EIF4ENIF1: variants seen among roughly 807,000 people sequenced by gnomAD.
The protein encoded by EIF4ENIF1 is eukaryotic translation initiation factor 4E transporter.
Under a neutral mutation model 110.5 loss-of-function variants are expected in EIF4ENIF1, and 23 were observed. The observed-to-expected ratio is 0.21, with a 90% CI of 0.15 to 0.29. EIF4ENIF1 has a LOEUF of 0.29. Among genes scored for constraint, EIF4ENIF1 ranks in the 10% least tolerant of loss-of-function variants. EIF4ENIF1 has a pLI of 1.00. For missense variants in EIF4ENIF1, 1,031 were observed against 1,221.1 expected (o/e 0.84, Z 2.32); for synonymous variants, 440 against 437.0 (o/e 1.01, Z -0.09).
intron 2 of EIF4ENIF1, among the ~76,000 whole-genome samples, chr22:31,477,097 C>T (rs1387181056): frequency 6.6e-6 from 1 of 151,210 alleles, no homozygotes; most frequent in East Asian, 1.9e-4. Flanking sequence ...CGCTCTAGCC[C>T]GAGTGACAGA....
At chr22:31,487,465 A>C (rs187107284) in intron 2 of EIF4ENIF1, among the ~76,000 whole-genome samples, 11 of 152,332 alleles carry the variant, frequency 7.2e-5, no homozygotes, top group African/African-American at 1.9e-4. Flanking sequence ...TTAACCAATC[A>C]GTATCCCAGG....
chr22:31,446,689 A>G (rs2050490920), intron 14 of EIF4ENIF1, among the ~76,000 whole-genome samples: 1 of 152,170 alleles, frequency 6.6e-6, no homozygotes, highest in African/African-American at 2.4e-5. Context: ...CTGAGGAGGA[A>G]AAGGGGTATT....
intron 7 of EIF4ENIF1, 124 bp downstream of exon 7, chr22:31,458,351 A>T: frequency 1.3e-6 from 1 of 763,524 alleles, no homozygotes; most frequent in Non-Finnish European, 1.8e-6. Flanking sequence ...ACAAAAATTT[A>T]AATATGTAAG....
At chr22:31,452,904 G>A (rs563661675) in intron 10 of EIF4ENIF1, among the ~76,000 whole-genome samples, 15 of 152,284 alleles carry the variant, frequency 9.9e-5, no homozygotes, top group African/African-American at 3.6e-4. Context: ...TGGAACCTCT[G>A]TCTGTCCTAT....
intron 7 of EIF4ENIF1, among the ~76,000 whole-genome samples, chr22:31,456,949 A>G (rs1160930062): frequency 6.6e-6 from 1 of 152,244 alleles, no homozygotes; most frequent in Non-Finnish European, 1.5e-5. Flanking sequence ...TCCACTGACA[A>G]GCTGATGAGT....
chr22:31,473,594 C>T (rs1248782280), intron 2 of EIF4ENIF1, among the ~76,000 whole-genome samples: 3 of 152,060 alleles, frequency 2.0e-5, no homozygotes, highest in African/African-American at 7.2e-5. Flanking sequence ...TGTAAAAGAA[C>T]ATTATTCATT....
rs17833819 is a variant in EIF4ENIF1 at position 31,468,955 on chromosome 22, A to G, written c.171-653T>C. Among the ~76,000 whole-genome samples, 1,150 of 152,324 alleles carry G rather than the reference A, an allele frequency of 7.5e-3. 6 individuals carry two copies. The highest frequency in any genetic ancestry group is 0.024 in the Middle Eastern group (7 of 294). On this transcript the variant is annotated intron_variant, in intron 3 of 18. Coordinates refer to ENST00000330125, the MANE Select transcript of EIF4ENIF1 (RefSeq NM_019843.4). ...TATTAACTGTTGTTTACTGAAGACT[A>G]ATACAAAGGAGAAAAAAGAGTCCCT...
intron 4 of EIF4ENIF1, among the ~76,000 whole-genome samples, chr22:31,464,699 AATATATATATAT>A (rs1230573468): frequency 5.1e-5 from 2 of 39,112 alleles, no homozygotes; most frequent in African/African-American, 9.7e-5. Flanking sequence ...AAAAAAAAAA[AATATATATATAT>A]ATATATATAT....
In EIF4ENIF1 at chr22:31,450,269, A is replaced by G. The variant is rs761395207; in HGVS notation, c.1584+20T>C. 2 of 1,607,060 alleles carry G rather than the reference A, an allele frequency of 1.2e-6. No individual in the cohort carries two copies. The highest frequency in any genetic ancestry group is 8.5e-7 in the Non-Finnish European group (1 of 1,174,512). On this transcript the variant is annotated intron_variant, in intron 11 of 18. Coordinates refer to ENST00000330125, the MANE Select transcript of EIF4ENIF1 (RefSeq NM_019843.4). ...CTACTGTTCAAGACTCCAAGGCCTC[A>G]GTATAAGATTGTGAAGTACCTGCAG...
chr22:31,458,401 C>G, intron 7 of EIF4ENIF1, 74 bp downstream of exon 7: 2 of 1,305,620 alleles, frequency 1.5e-6, no homozygotes, highest in Non-Finnish European at 2.0e-6. Flanking sequence ...AGCAAAACAA[C>G]ACTTTCAAAC....
At chr22:31,443,477 A>G (rs570680209) in intron 15 of EIF4ENIF1, 49 of 164,024 alleles carry the variant, frequency 3.0e-4, no homozygotes, top group Non-Finnish European at 5.9e-4. Context: ...TATTTCCCTT[A>G]ACTTGGCTAC....
chr22:31,486,347 C>T (rs568977008), intron 2 of EIF4ENIF1, among the ~76,000 whole-genome samples: 1 of 152,104 alleles, frequency 6.6e-6, no homozygotes, highest in Non-Finnish European at 1.5e-5. Flanking sequence ...ACCTGTAGTC[C>T]CAGCTACTTG....
chr22:31,461,448 G>T (rs538198960), intron 6 of EIF4ENIF1, among the ~76,000 whole-genome samples: 180 of 152,052 alleles, frequency 1.2e-3, no homozygotes, highest in South Asian at 3.9e-3. Flanking sequence ...GGTTTTTTTG[G>T]TTTTTTTGGA....
intron 15 of EIF4ENIF1, among the ~76,000 whole-genome samples, chr22:31,443,714 G>A (rs908169534): frequency 2.8e-4 from 42 of 151,752 alleles, no homozygotes; most frequent in African/African-American, 1.0e-3. Context: ...AAAGACCCAC[G>A]TGGGGTTCTG....
Position 31,440,008 on chromosome 22 carries a change from G to C in EIF4ENIF1, c.2830C>G (p.Arg944Gly), listed in dbSNP as rs757609510. 2 of 1,613,954 alleles carry C rather than the reference G, an allele frequency of 1.2e-6. No individual in the cohort carries two copies. Among genetic ancestry groups the C allele is most frequent in the South Asian group, 1.1e-5 (1 of 91,040 alleles). Residue 944 changes from arginine (R) to glycine (G), a missense_variant, in exon 19 of 19, where the codon CGC becomes GGC. Around this residue, in one of 3 missense-constraint regions of EIF4ENIF1, gnomAD observed 309 missense variants for 299.1 expected, o/e 1.03. Transcript: ENST00000330125. ...GGGGAGCTGCTCCTCTGGCTGGGGC[G>C]ATGCTCCAGCTGGGAGTGCATGTGG... is the stretch of plus-strand genomic sequence containing the variant. ...LPHMHSQLEH[R>G]PSQRSSSPVG...
rs2050892593 is a variant in EIF4ENIF1 at position 31,458,410 on chromosome 22, A to C, written c.963+65T>G. ...GCATCTAGCAAAACAACACTTTCAA[A>C]CCGATGTCTTAAATACTCAGGTCAA... On this transcript the variant is annotated intron_variant, in intron 7 of 18. Transcript: ENST00000330125. 15 of 1,352,202 alleles carry C rather than the reference A, an allele frequency of 1.1e-5. No homozygotes were observed. In the Admixed American group the frequency reaches 1.6e-4, roughly 14 times the overall value. 83.8% of individuals were successfully genotyped at this position (1,352,202 alleles called of 1,614,324 possible). A position where few individuals can be genotyped will look rare whatever the true frequency, so the allele number is the denominator to read the frequency against.
At chr22:31,487,793 C>CAAAAAAAAA (rs35367724) in intron 2 of EIF4ENIF1, among the ~76,000 whole-genome samples, 1 of 69,012 alleles carries the variant, frequency 1.4e-5, no homozygotes. Context: ...CTGTCGGGTG[C>CAAAAAAAAA]AAAAAAAAAA....
At chr22:31,481,093 T>C (rs2051798773) in intron 2 of EIF4ENIF1, among the ~76,000 whole-genome samples, 2 of 152,202 alleles carry the variant, frequency 1.3e-5, no homozygotes, top group East Asian at 1.9e-4. Context: ...CTCTATGGTC[T>C]TGCCAGCCAG....
intron 2 of EIF4ENIF1, among the ~76,000 whole-genome samples, chr22:31,472,890 G>A (rs1389232196): frequency 6.6e-6 from 1 of 151,984 alleles, no homozygotes. Flanking sequence ...CAGCCACTCT[G>A]CTCTGCTATC....
Sources: gnomAD v4.1 joint callset for allele counts (sites outside exome capture counted in the v4.1 genomes callset) on GRCh38, gnomAD v4.1.1 for gene constraint, gnomAD v4.1.1 regional missense constraint, MANE v1.5 for transcripts, NCBI Gene and HGNC (gene_info 2026-07-23, HGNC 2026-07-21) for gene names.